Variants in PITPNM2 observed in about 807,000 individuals in gnomAD.
PITPNM2 encodes phosphatidylinositol transfer protein membrane associated 2.
A neutral mutation model predicts 132.2 loss-of-function variants in PITPNM2; 35 were observed. The ratio of observed to expected loss-of-function variants is 0.26; its 90% confidence interval spans 0.20 to 0.35. PITPNM2 has a LOEUF of 0.35. Among genes scored for constraint, PITPNM2 ranks in the 10% least tolerant of loss-of-function variants. PITPNM2 has a pLI of 1.00. For synonymous variants in PITPNM2, 738 were observed against 799.2 expected, an observed-to-expected ratio of 0.92 and a Z score of 1.29; for missense variants, 1,332 against 1,912.0, an observed-to-expected ratio of 0.70 and a Z score of 5.66.
At chr12:123,128,247 G>A (rs1430618987) in intron 1 of PITPNM2, among the ~76,000 whole-genome samples, 1 of 98,958 alleles carries the variant, frequency 1.0e-5, no homozygotes, top group Non-Finnish European at 1.8e-5. Flanking sequence ...AGTAAACATG[G>A]CGAAACCCCA....
chr12:123,017,336 C>A (rs940299834), intron 3 of PITPNM2, among the ~76,000 whole-genome samples: 1 of 151,130 alleles, frequency 6.6e-6, no homozygotes, highest in African/African-American at 2.4e-5. Flanking sequence ...TGTGCCACTG[C>A]ACTCTAGCCT....
At chr12:123,146,291 AC>A (rs1244544498) in intron 1 of PITPNM2, among the ~76,000 whole-genome samples, 1 of 152,102 alleles carries the variant, frequency 6.6e-6, no homozygotes, top group Non-Finnish European at 1.5e-5. Flanking sequence ...CTGTGCTTGT[AC>A]CCCTGAACTT....
At chr12:123,091,173 C>T (rs1370269839) in intron 2 of PITPNM2, 1 of 152,256 alleles carries the variant, frequency 6.6e-6, no homozygotes, top group Non-Finnish European at 1.5e-5. Flanking sequence ...CACCTTGCCC[C>T]TCCCGAGGTG....
Position 122,986,762 on chromosome 12 carries a change from C to G in PITPNM2, c.3481G>C (p.Val1161Leu). ...TGRPDMQKQR[V>L]VAWLAQHNFP... ...TTGTGCTGGGCCAGCCACGCCACCA[C>G]CCGCTGCTTCTGCATGTCGGGCCGG... is the stretch of plus-strand genomic sequence containing the variant. The change falls in exon 24 of 26, where the codon GTG becomes CTG. Residue 1161 changes from valine to leucine, a missense_variant. By Grantham distance (32) the Val-to-Leu change is conservative. Transcript: ENST00000320201. The G allele has an allele frequency of 6.2e-7, 1 of 1,613,598 alleles. No individual in the cohort carries two copies. Among genetic ancestry groups the G allele is most frequent in the Non-Finnish European group, 8.5e-7 (1 of 1,179,994 alleles).
At chr12:123,052,509 A>G (rs760955679) in intron 2 of PITPNM2, among the ~76,000 whole-genome samples, 3 of 152,190 alleles carry the variant, frequency 2.0e-5, no homozygotes, top group Non-Finnish European at 4.4e-5. Context: ...AATCCTAGCT[A>G]CTTGGGAAGC....
chr12:123,001,257 G>C (rs1275651285), intron 8 of PITPNM2, 99 bp from the exon 9 acceptor site: 1 of 875,898 alleles, frequency 1.1e-6, no homozygotes, highest in South Asian at 1.4e-5. Flanking sequence ...TGCTCTGACC[G>C]TTCCTCAACA....
chr12:123,148,315 T>C (rs2043659415), intron 1 of PITPNM2, among the ~76,000 whole-genome samples: 1 of 152,216 alleles, frequency 6.6e-6, no homozygotes, highest in African/African-American at 2.4e-5. Context: ...TCATTTTGGA[T>C]TGACTCTGCG....
intron 2 of PITPNM2, among the ~76,000 whole-genome samples, chr12:123,073,724 T>A (rs937949902): frequency 3.3e-5 from 5 of 152,174 alleles, no homozygotes; most frequent in African/African-American, 2.4e-5. Context: ...TGGATCAGGA[T>A]CAGAGTGACC....
At position 122,994,955 on chromosome 12, in the gene PITPNM2, A is replaced by T; in HGVS notation, c.2079T>A (p.Thr693=). 1 of 1,609,752 alleles carries T rather than the reference A, an allele frequency of 6.2e-7. No individual in the cohort carries two copies. The highest frequency in any genetic ancestry group is 1.1e-5 in the South Asian group (1 of 90,650). The change falls in exon 15 of 26, where the codon ACT becomes ACA. Residue 693 remains threonine, a synonymous_variant. Transcript: ENST00000320201. This position sits in a 1 kb window ranked among gnomAD's most constrained non-coding sequence, Gnocchi z 5.4. The part of the protein sequence containing the change: ...LSSLHASVLR[T]EPCSRHSSSS... ...TGCTGGAATGGCGTGAGCAGGGCTC[A>T]GTCCTCAGCACGCTGGCATGGAGGC...
chr12:123,037,525 C>A (rs2040314984), intron 2 of PITPNM2, among the ~76,000 whole-genome samples: 1 of 152,188 alleles, frequency 6.6e-6, no homozygotes, highest in Non-Finnish European at 1.5e-5. Context: ...AATGCAGTGA[C>A]CCAGAGTGGG....
At position 123,094,221 on chromosome 12, in the gene PITPNM2, G is replaced by A. The variant is rs150895001; in HGVS notation, c.-96+16164C>T. The stretch of plus-strand genomic sequence containing the variant: ...ATTTGAGCCTCACCAGTACAGGGCT[G>A]GCTGTAGACTTAAAAGGGGCTGACC... On this transcript the variant is annotated intron_variant, in intron 2 of 25. Transcript: ENST00000320201. Among the ~76,000 whole-genome samples, 3 of 152,362 alleles carry A rather than the reference G, an allele frequency of 2.0e-5. No individual in the cohort carries two copies. In the East Asian group the frequency reaches 5.8e-4, roughly 29 times the overall value.
intron 2 of PITPNM2, among the ~76,000 whole-genome samples, chr12:123,093,648 A>T (rs1463879654): frequency 6.6e-6 from 1 of 152,196 alleles, no homozygotes; most frequent in African/African-American, 2.4e-5. Context: ...TCTGGGGGCC[A>T]GCCCTGGGAG....
In PITPNM2 at chr12:122,986,225, G is replaced by T. The variant is rs764432396; in HGVS notation, c.3852C>A (p.Gly1284=). 6 of 1,568,384 alleles carry T rather than the reference G, an allele frequency of 3.8e-6. No individual in the cohort carries two copies. The highest frequency in any genetic ancestry group is 5.2e-6 in the Non-Finnish European group (6 of 1,161,822). The change falls in exon 26 of 26, where the codon GGC becomes GGA. Residue 1284 remains glycine, a synonymous_variant. Coordinates refer to ENST00000320201, the MANE Select transcript of PITPNM2 (RefSeq NM_020845.3). Reference sequence around the variant, plus strand: ...GGTGGTTCCGGGAGCGCAGAAAGTCGCCCTGGCCGGGCAGGCCGAAGCTGC... The same window carrying T: ...GGTGGTTCCGGGAGCGCAGAAAGTCTCCCTGGCCGGGCAGGCCGAAGCTGC... ...RKGSFGLPGQ[G]DFLRSRNHLL...
chr12:122,994,761 A>G lies in PITPNM2; in HGVS notation c.2233+40T>C. The G allele has an allele frequency of 6.5e-7, 1 of 1,529,166 alleles. No individual in the cohort carries two copies. The highest frequency in any genetic ancestry group is 8.9e-7 in the Non-Finnish European group (1 of 1,124,136). 94.7% of individuals were successfully genotyped at this position (1,529,166 alleles called of 1,614,324 possible). A position where few individuals can be genotyped will look rare whatever the true frequency, so the allele number is the denominator to read the frequency against. On this transcript the variant is annotated intron_variant, in intron 15 of 25. Transcript: ENST00000320201. This position sits in a 1 kb window ranked among gnomAD's most constrained non-coding sequence, Gnocchi z 5.4. ...CACTGAGACCCCCGCCCCCGCACCC[A>G]GTGCATGTACCCCCCATCCTGCCCC...
intron 4 of PITPNM2, 99 bp downstream of exon 4, chr12:123,013,729 T>C: frequency 1.5e-6 from 2 of 1,354,016 alleles, no homozygotes; most frequent in East Asian, 2.5e-5. Flanking sequence ...TTGAACCTGC[T>C]TGAAGGCTGA....
chr12:123,115,179 GC>G (rs2042912048), intron 1 of PITPNM2, among the ~76,000 whole-genome samples: 1 of 152,186 alleles, frequency 6.6e-6, no homozygotes, highest in African/African-American at 2.4e-5. Context: ...TGGACCCCAT[GC>G]CTTGGGCAGG....
chr12:123,056,504 G>C (rs1207270094), intron 2 of PITPNM2, among the ~76,000 whole-genome samples: 1 of 152,204 alleles, frequency 6.6e-6, no homozygotes, highest in Non-Finnish European at 1.5e-5. Flanking sequence ...CTTGGACACT[G>C]CCTTCATGGG....
chr12:122,987,903 T>G lies in PITPNM2; in HGVS notation c.2998-2A>C. On this transcript the variant is annotated splice_acceptor_variant, in intron 20 of 25. Transcript: ENST00000320201. LOFTEE classifies it high-confidence loss of function. ...GATCCGGTGGTTGGCCGTCACGTTC[T>G]GTGGAGGGAGTGGCAAGCCCAGGTC... 1 of 1,608,616 alleles carries G rather than the reference T, an allele frequency of 6.2e-7. No homozygotes were observed. Among genetic ancestry groups the G allele is most frequent in the Non-Finnish European group, 8.5e-7 (1 of 1,177,054 alleles).
chr12:122,996,318 G>A lies in PITPNM2; in HGVS notation c.1782+140C>T, dbSNP rs1475638400. 13 of 1,199,326 alleles carry A rather than the reference G, an allele frequency of 1.1e-5. No individual in the cohort carries two copies. The East Asian group carries it at 2.5e-4, about 23-fold the overall frequency. The allele number at this position is 1,199,326 out of a possible 1,614,324, so 74.3% of individuals were successfully genotyped here. A position where few individuals can be genotyped will look rare whatever the true frequency, so the allele number is the denominator to read the frequency against. On this transcript the variant is annotated intron_variant, in intron 13 of 25. Transcript: ENST00000320201. ...GCTTAACTGGGTAGAGTCCAAGCCA[G>A]ATGGACTCAGGAAGTGCTGCCAGCA...
Sources: gnomAD v4.1 joint callset for allele counts (sites outside exome capture counted in the v4.1 genomes callset) on GRCh38, gnomAD v4.1.1 for gene constraint, Gnocchi (gnomAD v3.1) non-coding constraint, MANE v1.5 for transcripts, NCBI Gene and HGNC (gene_info 2026-07-23, HGNC 2026-07-21) for gene names.